The following LDLRAD4 variants were observed in gnomAD, a reference collection of about 807,000 sequenced individuals.
The protein encoded by LDLRAD4 is low-density lipoprotein receptor class A domain-containing protein 4.
LDLRAD4 carries 5 observed loss-of-function variants against 17.0 expected under a neutral mutation model. The ratio of observed to expected loss-of-function variants is 0.29; its 90% CI spans 0.15 to 0.62. The LOEUF (loss-of-function observed/expected upper bound fraction) is 0.62, where lower values mean the gene tolerates loss of function less well. Among genes scored for constraint, LDLRAD4 ranks in the 20% least tolerant of loss-of-function variants. The pLI is 0.84. For synonymous variants in LDLRAD4, 168 were observed against 171.8 expected (o/e 0.98, Z 0.17); for missense variants, 340 against 424.7 (o/e 0.80, Z 1.75).
intron 4 of LDLRAD4, chr18:13,641,754 G>T (rs2042581360): frequency 1.0e-6 from 1 of 985,470 alleles, no homozygotes; most frequent in East Asian, 1.1e-4. Flanking sequence ...TGGGTCAGCC[G>T]AGGGCCGGGC....
At chr18:13,286,780 A>G (rs2045646794) in intron 1 of LDLRAD4, among the ~76,000 whole-genome samples, 2 of 152,176 alleles carry the variant, frequency 1.3e-5, no homozygotes, top group South Asian at 4.1e-4. Context: ...AAGGACAGTG[A>G]GGAGCTGTCC....
intron 3 of LDLRAD4, among the ~76,000 whole-genome samples, chr18:13,459,320 G>A (rs2092311926): frequency 6.6e-6 from 1 of 151,744 alleles, no homozygotes; most frequent in African/African-American, 2.4e-5. Context: ...CCTGGTAACA[G>A]ACTGAGACTT....
intron 1 of LDLRAD4, among the ~76,000 whole-genome samples, chr18:13,356,745 T>G (rs2083367096): frequency 6.6e-6 from 1 of 152,204 alleles, no homozygotes; most frequent in Non-Finnish European, 1.5e-5. Flanking sequence ...GCACCCCCTG[T>G]CTTGAAATTT....
At chr18:13,276,659 G>GCTC (rs2044887172), upstream of LDLRAD4, among the ~76,000 whole-genome samples, 1 of 152,264 alleles carries the variant, frequency 6.6e-6, no homozygotes, top group African/African-American at 2.4e-5. Flanking sequence ...GCCCCTCACA[G>GCTC]GCCCCATCAT....
chr18:13,257,454 G>A (rs376655765), intron 1 of LDLRAD4, among the ~76,000 whole-genome samples: 11 of 152,306 alleles, frequency 7.2e-5, no homozygotes, highest in East Asian at 5.8e-4. Context: ...GTAGGACGTG[G>A]ACATGCGGTT....
rs143684213 is a variant in LDLRAD4, at chr18:13,307,390, C to A, written c.-383+29202C>A. 3.8e-3 allele frequency among the ~76,000 whole-genome samples: 583 copies of A among 152,128 alleles called. 4 individuals carry two copies. Among genetic ancestry groups the A allele is most frequent in the African/African-American group, 0.013 (547 of 41,492 alleles). On this transcript the variant is annotated intron_variant, in intron 1 of 5. Transcript: ENST00000359446. ...ACTTACTGAATACTAAATATATTTT[C>A]TCTTTCTTATGATTTTCTTTTTTTA...
At chr18:13,497,255 C>T (rs962981274) in intron 3 of LDLRAD4, among the ~76,000 whole-genome samples, 2 of 152,214 alleles carry the variant, frequency 1.3e-5, no homozygotes, top group African/African-American at 4.8e-5. Context: ...CAGCTCCCTG[C>T]AGTCTTGACT....
chr18:13,262,040 A>G (rs9748236), intron 1 of LDLRAD4, among the ~76,000 whole-genome samples: 7,161 of 56,730 alleles, frequency 0.13, 161 homozygotes, highest in Middle Eastern at 0.2. Context: ...GGCTCTGTGC[A>G]TGGAAACTGA....
chr18:13,358,858 C>T (rs1158027748), intron 1 of LDLRAD4, among the ~76,000 whole-genome samples: 1 of 152,100 alleles, frequency 6.6e-6, no homozygotes, highest in East Asian at 1.9e-4. Context: ...AATCAGTTAA[C>T]ACAAATATGA....
intron 1 of LDLRAD4, among the ~76,000 whole-genome samples, chr18:13,266,648 C>T (rs566738542): frequency 2.0e-5 from 3 of 152,390 alleles, no homozygotes; most frequent in South Asian, 4.1e-4. Flanking sequence ...CGCAGGGCCT[C>T]CACGCTCAGG....
intron 1 of LDLRAD4, among the ~76,000 whole-genome samples, chr18:13,268,653 T>A (rs1310236157): frequency 1.3e-5 from 2 of 152,244 alleles, no homozygotes; most frequent in Non-Finnish European, 2.9e-5. Flanking sequence ...AACCCTGAAA[T>A]GTTTAGAAGC....
At chr18:13,615,766 C>T (rs2040010042) in intron 3 of LDLRAD4, 1 of 152,222 alleles carries the variant, frequency 6.6e-6, no homozygotes, top group South Asian at 2.1e-4. Flanking sequence ...TGCAGTGACT[C>T]ATCTGTTACA....
chr18:13,506,583 A>G (rs1260062586), intron 3 of LDLRAD4, among the ~76,000 whole-genome samples: 1 of 152,210 alleles, frequency 6.6e-6, no homozygotes, highest in Non-Finnish European at 1.5e-5. Flanking sequence ...GAAAAACAGC[A>G]GGTTATCCAG....
At chr18:13,629,855 AGGCTGGGGTCT>A (rs1190038060) in intron 4 of LDLRAD4, among the ~76,000 whole-genome samples, 3 of 150,772 alleles carry the variant, frequency 2.0e-5, no homozygotes, top group African/African-American at 7.5e-5. Flanking sequence ...GAGGCTCACC[AGGCTGGGGTCT>A]GGCTCTTGGC....
rs147767095 is a variant in LDLRAD4, at chr18:13,372,269, C to T, written c.-382-15072C>T. Among the ~76,000 whole-genome samples, 280 of 152,302 alleles carry T rather than the reference C, an allele frequency of 1.8e-3. 2 individuals are homozygous for T. The highest frequency in any genetic ancestry group is 6.5e-3 in the African/African-American group (270 of 41,558). ...TCGCAGGGCAGACCTGGAGGTTGTTCCTCTCTACCACAGTTGCCTTGGGGG... is the reference window on the plus strand; with the variant it reads ...TCGCAGGGCAGACCTGGAGGTTGTTTCTCTCTACCACAGTTGCCTTGGGGG... On this transcript the variant is annotated intron_variant, in intron 1 of 5. Transcript: ENST00000359446.
At chr18:13,289,510 G>C (rs892287646) in intron 1 of LDLRAD4, among the ~76,000 whole-genome samples, 10 of 152,164 alleles carry the variant, frequency 6.6e-5, no homozygotes. Flanking sequence ...AGTGTCATCT[G>C]TCTTTAATTT....
At chr18:13,461,651 T>C (rs1195101707) in intron 3 of LDLRAD4, among the ~76,000 whole-genome samples, 1 of 152,226 alleles carries the variant, frequency 6.6e-6, no homozygotes, top group Non-Finnish European at 1.5e-5. Context: ...CATTGGTTAC[T>C]TGGTGTACAC....
At position 13,252,286 on chromosome 18, in the gene LDLRAD4, A is replaced by C. The variant is rs2043262321; in HGVS notation, c.-466-25819A>C. Among the ~76,000 whole-genome samples the C allele has an allele frequency of 2.0e-5, 3 of 151,992 alleles. No individual in the cohort carries two copies. The South Asian group carries it at 6.2e-4, about 32-fold the overall frequency. ...TGGGATTACAGGCGCCCATCACCAC[A>C]CCCAGCTAATTTTTGTATTTTTAGT... On this transcript the variant is annotated intron_variant, in intron 1 of 5. Transcript: ENST00000399848.
intron 3 of LDLRAD4, among the ~76,000 whole-genome samples, chr18:13,485,370 C>G (rs532900724): frequency 6.6e-6 from 1 of 152,234 alleles, no homozygotes; most frequent in South Asian, 2.1e-4. Context: ...CCTCAGCCAC[C>G]AGGCTGGGAA....
Sources: gnomAD v4.1 joint callset for allele counts (sites outside exome capture counted in the v4.1 genomes callset) on GRCh38, gnomAD v4.1.1 for gene constraint, MANE v1.5 for transcripts, NCBI Gene and HGNC (gene_info 2026-07-23, HGNC 2026-07-21) for gene names.